Variants in ETV6 observed in about 807,000 individuals in gnomAD.
ETV6 encodes transcription factor ETV6.
ETV6 carries 16 observed loss-of-function variants against 51.1 expected under a neutral mutation model. The observed-to-expected ratio is 0.31, with a 90% CI of 0.21 to 0.48. The LOEUF is 0.48. Ranked by LOEUF, ETV6 falls within the 20% of genes least tolerant of loss-of-function variation. The pLI is 0.99. For missense variants in ETV6, 458 were observed against 594.8 expected (o/e 0.77, Z 2.39); for synonymous variants, 240 against 224.1 (o/e 1.07, Z -0.64).
At chr12:11,721,649 A>G (rs923327332) in intron 1 of ETV6, among the ~76,000 whole-genome samples, 9 of 152,354 alleles carry the variant, frequency 5.9e-5, no homozygotes, top group African/African-American at 1.9e-4. Context: ...TGGATGCAAG[A>G]TACCCATGTA....
At chr12:11,792,636 G>A (rs1945617955) in intron 2 of ETV6, among the ~76,000 whole-genome samples, 1 of 151,232 alleles carries the variant, frequency 6.6e-6, no homozygotes, top group African/African-American at 2.4e-5. Context: ...GTAGTGAGCT[G>A]AGATTGTGCC....
At chr12:11,776,090 A>G (rs942676069) in intron 2 of ETV6, among the ~76,000 whole-genome samples, 3 of 152,196 alleles carry the variant, frequency 2.0e-5, no homozygotes, top group Admixed American at 6.5e-5. Flanking sequence ...TGGCATTTCA[A>G]GATTTAGCCT....
chr12:11,739,654 G>C (rs1319396156), intron 1 of ETV6, among the ~76,000 whole-genome samples: 5 of 152,028 alleles, frequency 3.3e-5, no homozygotes, highest in Admixed American at 6.6e-5. Flanking sequence ...CGAAGACTTA[G>C]TATGAAAAAA....
chr12:11,668,995 C>T (rs1003372982), intron 1 of ETV6, among the ~76,000 whole-genome samples: 2 of 152,210 alleles, frequency 1.3e-5, no homozygotes, highest in Non-Finnish European at 2.9e-5. Flanking sequence ...CCCTACAACT[C>T]TTTGCAACTC....
chr12:11,776,736 G>A (rs1356900243), intron 2 of ETV6, among the ~76,000 whole-genome samples: 1 of 152,172 alleles, frequency 6.6e-6, no homozygotes, highest in Non-Finnish European at 1.5e-5. Context: ...TTTTATGGAA[G>A]CACTTCAGCA....
intron 2 of ETV6, among the ~76,000 whole-genome samples, chr12:11,788,755 G>GTTTTT (rs1565526404): frequency 1.0e-5 from 1 of 96,704 alleles, no homozygotes; most frequent in Non-Finnish European, 2.3e-5. Context: ...TGCTTGTATT[G>GTTTTT]GTTTTTTTTT....
chr12:11,859,118 GGTTTTTTTTTTTTTTTTTTTTT>G (rs1331899846), intron 4 of ETV6, among the ~76,000 whole-genome samples: 1,336 of 41,790 alleles, frequency 0.032, 142 homozygotes, highest in African/African-American at 0.088. Context: ...ATATGAATCT[GGTTTTTTTTTTTTTTTTTTTTT>G]TTTTTTTTTT....
chr12:11,803,729 T>A (rs1945786083), intron 2 of ETV6, among the ~76,000 whole-genome samples: 1 of 152,230 alleles, frequency 6.6e-6, no homozygotes, highest in African/African-American at 2.4e-5. Context: ...TACTCCTGGT[T>A]TTACATTTGA....
chr12:11,688,852 A>C (rs941653901), intron 1 of ETV6, among the ~76,000 whole-genome samples: 7 of 152,238 alleles, frequency 4.6e-5, no homozygotes, highest in African/African-American at 1.7e-4. Context: ...GAGCAAGGTT[A>C]GAGGAGTTAC....
chr12:11,742,113 A>G (rs909131266), intron 1 of ETV6, among the ~76,000 whole-genome samples: 3 of 152,272 alleles, frequency 2.0e-5, no homozygotes, highest in Admixed American at 1.3e-4. Context: ...TATGTAAAAT[A>G]AACTGTTAAT....
rs978453708 is a variant in ETV6 at position 11,891,469 on chromosome 12, A to T, written c.*423A>T. 13 of 488,416 alleles carry T rather than the reference A, an allele frequency of 2.7e-5. No homozygotes were observed. Among genetic ancestry groups the T allele is most frequent in the African/African-American group, 1.4e-4 (7 of 51,016 alleles). 30.3% of individuals were successfully genotyped at this position (488,416 alleles called of 1,614,324 possible). On this transcript the variant is annotated 3_prime_UTR_variant, in exon 8 of 8. Coordinates refer to ENST00000396373, the MANE Select transcript of ETV6 (RefSeq NM_001987.5). ...GGAAATATATATCTATTATATATAT[A>T]TTTTTTGCAAATCTCACAAAGTGCG... is the stretch of plus-strand genomic sequence containing the variant.
At chr12:11,824,215 G>A (rs770403149) in intron 2 of ETV6, among the ~76,000 whole-genome samples, 130 of 152,250 alleles carry the variant, frequency 8.5e-4, no homozygotes, top group Admixed American at 3.1e-3. Flanking sequence ...AAAACCCAGC[G>A]ACGAGACATC....
At chr12:11,816,899 T>G (rs1946001908) in intron 2 of ETV6, among the ~76,000 whole-genome samples, 1 of 152,216 alleles carries the variant, frequency 6.6e-6, no homozygotes, top group Non-Finnish European at 1.5e-5. Flanking sequence ...CTTTCCATCC[T>G]TCCATTAGAC....
intron 1 of ETV6, among the ~76,000 whole-genome samples, chr12:11,698,391 A>C (rs1864918508): frequency 6.6e-6 from 1 of 152,258 alleles, no homozygotes; most frequent in Admixed American, 6.5e-5. Context: ...AAAGGGTCTC[A>C]GAAGGCTGTA....
At chr12:11,660,891 T>A (rs1864089171) in intron 1 of ETV6, among the ~76,000 whole-genome samples, 1 of 152,234 alleles carries the variant, frequency 6.6e-6, no homozygotes, top group South Asian at 2.1e-4. Context: ...AGGTGAGTTC[T>A]TTTTCTTTGG....
chr12:11,776,912 C>T (rs1945334070), intron 2 of ETV6, among the ~76,000 whole-genome samples: 1 of 152,292 alleles, frequency 6.6e-6, no homozygotes, highest in South Asian at 2.1e-4. Context: ...TAAGGCAGGT[C>T]ATTATGTGGG....
chr12:11,707,439 G>A (rs762979311), intron 1 of ETV6, among the ~76,000 whole-genome samples: 14 of 152,286 alleles, frequency 9.2e-5, no homozygotes, highest in African/African-American at 1.2e-4. Context: ...TGTGCACTGC[G>A]TTTCCATCGA....
At chr12:11,673,297 G>T (rs985266156) in intron 1 of ETV6, among the ~76,000 whole-genome samples, 2 of 152,210 alleles carry the variant, frequency 1.3e-5, no homozygotes, top group East Asian at 1.9e-4. Context: ...TGCTGGGAAA[G>T]AATTTGGAGA....
At chr12:11,671,389 A>G (rs190740199) in intron 1 of ETV6, among the ~76,000 whole-genome samples, 1 of 152,318 alleles carries the variant, frequency 6.6e-6, no homozygotes, top group East Asian at 1.9e-4. Context: ...TTAGATTTGG[A>G]TAGAAAGAAA....
Sources: allele counts gnomAD v4.1 joint callset (sites outside exome capture counted in the v4.1 genomes callset), GRCh38; gene constraint gnomAD v4.1.1; transcripts MANE v1.5; gene names NCBI Gene and HGNC (gene_info 2026-07-23, HGNC 2026-07-21).